The following ANO5 variants were observed in gnomAD, a reference collection of about 807,000 sequenced individuals.
ANO5 encodes anoctamin 5.
In ANO5, 109 loss-of-function variants were observed where a neutral mutation model predicts 121.0. The observed-to-expected ratio is 0.90, with a 90% confidence interval of 0.77 to 1.06. ANO5 has a LOEUF of 1.06. Ranked by LOEUF, ANO5 falls within the 50% of genes least tolerant of loss-of-function variation. The pLI is 0.00. For missense variants in ANO5, 1,064 were observed against 1,078.5 expected, an observed-to-expected ratio of 0.99 and a Z score of 0.19; for synonymous variants, 406 against 359.9, an observed-to-expected ratio of 1.13 and a Z score of -1.45.
At chr11:22,213,913 T>TTTGTA (rs1406767801) in intron 3 of ANO5, among the ~76,000 whole-genome samples, 9 of 151,844 alleles carry the variant, frequency 5.9e-5, no homozygotes, top group African/African-American at 2.2e-4. Context: ...TTTGTTTTGT[T>TTTGTA]TTGTTTTGGG....
chr11:22,272,762 T>TGC, intron 18 of ANO5, 22 bp from the exon 19 acceptor site: 1 of 1,603,336 alleles, frequency 6.2e-7, no homozygotes. Context: ...AATGAGTTCA[T>TGC]GCCTTTTTCT....
chr11:22,214,653 C>A (rs1852382901), intron 3 of ANO5, among the ~76,000 whole-genome samples: 1 of 151,900 alleles, frequency 6.6e-6, no homozygotes, highest in Non-Finnish European at 1.5e-5. Flanking sequence ...GGTGAGGGGA[C>A]ACAATCTTCC....
At chr11:22,252,029 C>CAAAAAAAAAAAAAAAAAA (rs10525160) in intron 12 of ANO5, among the ~76,000 whole-genome samples, 6 of 45,858 alleles carry the variant, frequency 1.3e-4, no homozygotes, top group African/African-American at 4.0e-4. Context: ...GACGCCGTCT[C>CAAAAAAAAAAAAAAAAAA]AAAAAAAAAA....
intron 17 of ANO5, 76 bp from the exon 18 acceptor site, chr11:22,270,236 A>C: frequency 1.9e-6 from 3 of 1,562,638 alleles, no homozygotes; most frequent in Non-Finnish European, 2.6e-6. Flanking sequence ...GCCAGTTTCC[A>C]GATCTAACAC....
intron 5 of ANO5, 60 bp downstream of exon 5, chr11:22,221,270 T>C: frequency 3.0e-6 from 4 of 1,324,956 alleles, no homozygotes; most frequent in African/African-American, 1.5e-5. Context: ...TAATTTCACA[T>C]GGATATCTGG....
intron 2 of ANO5, among the ~76,000 whole-genome samples, chr11:22,206,166 T>A (rs960323168): frequency 1.3e-5 from 2 of 151,746 alleles, no homozygotes; most frequent in Non-Finnish European, 2.9e-5. Flanking sequence ...TAAAAAAAAA[T>A]GAAAACAAAA....
At chr11:22,200,656 CA>C (rs1433146996) in intron 1 of ANO5, among the ~76,000 whole-genome samples, 2 of 152,028 alleles carry the variant, frequency 1.3e-5, no homozygotes, top group East Asian at 3.9e-4. Context: ...ATGATGGCAC[CA>C]GCAGTTTTAT....
At chr11:22,208,974 T>C (rs1191828366) in intron 2 of ANO5, among the ~76,000 whole-genome samples, 1 of 151,914 alleles carries the variant, frequency 6.6e-6, no homozygotes, top group Admixed American at 6.6e-5. Context: ...AAAATAAGTA[T>C]TATAGCATAT....
rs778128621 is a variant in ANO5 at position 22,236,286 on chromosome 11, G to T, written c.762+10G>T. 1 of 1,590,230 alleles carries T rather than the reference G, an allele frequency of 6.3e-7. No individual in the cohort carries two copies. Among genetic ancestry groups the T allele is most frequent in the East Asian group, 2.2e-5 (1 of 44,530 alleles). On this transcript the variant is annotated intron_variant, in intron 8 of 21. Transcript: ENST00000324559. ...CTATCCACTCCATGATGTATGTATA[G>T]GTTTGATTGTGAAAATCTGAGCTTA... is the stretch of plus-strand genomic sequence containing the variant.
At chr11:22,233,681 C>A (rs957413682) in intron 7 of ANO5, among the ~76,000 whole-genome samples, 2 of 152,020 alleles carry the variant, frequency 1.3e-5, no homozygotes, top group African/African-American at 4.8e-5. Context: ...GCAAAAATTG[C>A]CCTTGTTTTA....
At chr11:22,217,899 A>G (rs1330623928) in intron 3 of ANO5, among the ~76,000 whole-genome samples, 1 of 152,000 alleles carries the variant, frequency 6.6e-6, no homozygotes, top group Non-Finnish European at 1.5e-5. Context: ...CTTATGTAAC[A>G]AATCTGCACT....
intron 9 of ANO5, among the ~76,000 whole-genome samples, chr11:22,246,142 T>A (rs879569032): frequency 2.0e-5 from 3 of 152,186 alleles, no homozygotes; most frequent in African/African-American, 4.8e-5. Context: ...CTTCTCTTTG[T>A]ATCTGATTCT....
intron 14 of ANO5, 31 bp from the exon 15 acceptor site, chr11:22,259,488 C>T: frequency 6.4e-7 from 1 of 1,573,022 alleles, no homozygotes; most frequent in South Asian, 1.1e-5. Flanking sequence ...TACAGAGACC[C>T]AAATAGCAGT....
At chr11:22,272,302 GCACACACACACACACACACA>G (rs60487083) in intron 18 of ANO5, among the ~76,000 whole-genome samples, 9 of 134,488 alleles carry the variant, frequency 6.7e-5, no homozygotes, top group East Asian at 2.3e-4. Flanking sequence ...TCCTTTTCCG[GCACACACACACACACACACA>G]CACACACACA....
intron 17 of ANO5, among the ~76,000 whole-genome samples, chr11:22,266,511 T>C (rs1854371217): frequency 6.6e-6 from 1 of 152,204 alleles, no homozygotes; most frequent in African/African-American, 2.4e-5. Flanking sequence ...ATTTTGCATT[T>C]TTCTGATTAA....
At chr11:22,259,823 G>T in intron 15 of ANO5, 82 bp downstream of exon 15, 1 of 1,362,148 alleles carries the variant, frequency 7.3e-7, no homozygotes, top group East Asian at 2.5e-5. Context: ...AGGTCTCCAG[G>T]AGTTCATTTT....
At chr11:22,202,044 G>A (rs1388142621) in intron 1 of ANO5, among the ~76,000 whole-genome samples, 1 of 152,060 alleles carries the variant, frequency 6.6e-6, no homozygotes, top group Non-Finnish European at 1.5e-5. Context: ...TGAGGTTGGA[G>A]AGGTTGGTTG....
chr11:22,196,501 G>GT (rs34588581), intron 1 of ANO5, among the ~76,000 whole-genome samples: 35,663 of 145,444 alleles, frequency 0.25, 4,738 homozygotes, highest in African/African-American at 0.36. Flanking sequence ...TGTTATGAGA[G>GT]TTTTTTTTTT....
At chr11:22,214,946 A>G (rs1336491407) in intron 3 of ANO5, among the ~76,000 whole-genome samples, 1 of 152,050 alleles carries the variant, frequency 6.6e-6, no homozygotes, top group Non-Finnish European at 1.5e-5. Context: ...TTGAAACAAA[A>G]TAGTGAAAAG....
Sources: gnomAD v4.1 joint callset for allele counts (sites outside exome capture counted in the v4.1 genomes callset) on GRCh38, gnomAD v4.1.1 for gene constraint, MANE v1.5 for transcripts, NCBI Gene and HGNC (gene_info 2026-07-23, HGNC 2026-07-21) for gene names.